ADAMTS12: variants seen among roughly 807,000 people sequenced by gnomAD.
ADAMTS12 encodes A disintegrin and metalloproteinase with thrombospondin motifs 12.
Under a neutral mutation model 167.8 loss-of-function variants are expected in ADAMTS12, and 118 were observed. The observed-to-expected ratio is 0.70, with a 90% CI of 0.61 to 0.82. The LOEUF is 0.82. Among genes scored for constraint, ADAMTS12 ranks in the 40% least tolerant of loss-of-function variants. ADAMTS12 has a pLI of 0.00. For missense variants in ADAMTS12, 1,916 were observed against 1,998.8 expected, an observed-to-expected ratio of 0.96 and a Z score of 0.79; for synonymous variants, 704 against 716.9, an observed-to-expected ratio of 0.98 and a Z score of 0.29.
rs79897814 is a variant in ADAMTS12, at chr5:33,769,611, C to T, written c.490-18063G>A. Among the ~76,000 whole-genome samples, 25 of 152,306 alleles carry T rather than the reference C, an allele frequency of 1.6e-4. No individual in the cohort carries two copies. In the East Asian group the frequency reaches 4.6e-3, roughly 28 times the overall value. On this transcript the variant is annotated intron_variant, in intron 2 of 23. Coordinates refer to ENST00000504830, the MANE Select transcript of ADAMTS12 (RefSeq NM_030955.4). ...GTTGCCAAAATCAGCCCAAGAACTA[C>T]TTGGAAGAAAATGCCAAGTTTGGCA... is the stretch of plus-strand genomic sequence containing the variant.
intron 2 of ADAMTS12, among the ~76,000 whole-genome samples, chr5:33,800,632 AT>A (rs11325243): frequency 0.61 from 92,317 of 151,320 alleles, 28,665 homozygotes; most frequent in African/African-American, 0.65. Flanking sequence ...ATTCAAAAGT[AT>A]TTTTTTTTTG....
intron 16 of ADAMTS12, among the ~76,000 whole-genome samples, chr5:33,603,032 A>G (rs1223431579): frequency 6.6e-6 from 1 of 152,216 alleles, no homozygotes; most frequent in East Asian, 1.9e-4. Context: ...AGGGTAGGGC[A>G]GAAGTGTTCT....
chr5:33,658,303 G>C lies in ADAMTS12; in HGVS notation c.1071C>G (p.Pro357=), dbSNP rs1380040568. The stretch of plus-strand genomic sequence containing the variant: ...GGTGAGACAGGCCCAGGGTCTCGCA[G>C]GGGCGATTGAAACCAGCACAGATGT... ...RKDICAGFNR[P]CETLGLSHLS... is the part of the protein sequence containing the mutation. Residue 357 remains proline (P), a synonymous_variant, in exon 7 of 24, where the codon CCC becomes CCG. Transcript: ENST00000504830. The C allele has an allele frequency of 6.2e-7, 1 of 1,613,544 alleles. No individual in the cohort carries two copies. The highest frequency in any genetic ancestry group is 1.3e-5 in the African/African-American group (1 of 74,892).
At chr5:33,780,273 A>G (rs1218177161) in intron 2 of ADAMTS12, among the ~76,000 whole-genome samples, 1 of 152,194 alleles carries the variant, frequency 6.6e-6, no homozygotes, top group East Asian at 1.9e-4. Flanking sequence ...AGTCAAGGTT[A>G]AAAAGGAGAT....
intron 3 of ADAMTS12, among the ~76,000 whole-genome samples, chr5:33,695,200 T>C: frequency 6.6e-6 from 1 of 152,214 alleles, no homozygotes. Flanking sequence ...TCAGTTAAGG[T>C]TTATTTAATT....
chr5:33,654,272 T>C (rs1471579952), intron 7 of ADAMTS12, among the ~76,000 whole-genome samples: 1 of 152,244 alleles, frequency 6.6e-6, no homozygotes, highest in African/African-American at 2.4e-5. Context: ...ATTTGTCAGC[T>C]AATTCTAAAA....
Position 33,715,637 on chromosome 5 carries a change from A to T in ADAMTS12, c.635-31582T>A, listed in dbSNP as rs555645220. ...GTTGCTCAGCTTCTCGTGGCTGTAG[A>T]TTTACTGCACTCTACAACAGGAGGG... On this transcript the variant is annotated intron_variant, in intron 3 of 23. Transcript: ENST00000504830. Among the ~76,000 whole-genome samples the T allele has an allele frequency of 2.7e-4, 41 of 152,200 alleles. No homozygotes were observed. In the South Asian group the frequency reaches 8.5e-3, roughly 32 times the overall value.
intron 23 of ADAMTS12, among the ~76,000 whole-genome samples, chr5:33,533,012 T>C (rs1265862569): frequency 6.6e-6 from 1 of 152,260 alleles, no homozygotes; most frequent in African/African-American, 2.4e-5. Flanking sequence ...AAGAAGCTAG[T>C]AATTAACTTT....
chr5:33,647,605 C>A (rs1305300767), intron 9 of ADAMTS12, among the ~76,000 whole-genome samples: 2 of 152,136 alleles, frequency 1.3e-5, no homozygotes, highest in African/African-American at 4.8e-5. Flanking sequence ...TTGGCGCATA[C>A]CCGTAATCCC....
intron 2 of ADAMTS12, among the ~76,000 whole-genome samples, chr5:33,865,340 C>T (rs1434267941): frequency 1.3e-5 from 2 of 151,964 alleles, no homozygotes; most frequent in African/African-American, 4.8e-5. Context: ...TGTGATATAT[C>T]ACATAAACAG....
intron 2 of ADAMTS12, among the ~76,000 whole-genome samples, chr5:33,846,488 C>G (rs1386889362): frequency 2.0e-5 from 3 of 152,170 alleles, no homozygotes; most frequent in Non-Finnish European, 2.9e-5. Context: ...TTTTCTAGGT[C>G]AAGCTCAAAT....
chr5:33,533,379 G>T (rs938117856), intron 23 of ADAMTS12, among the ~76,000 whole-genome samples: 4 of 152,124 alleles, frequency 2.6e-5, no homozygotes, highest in Admixed American at 6.6e-5. Context: ...GTCTCAAATT[G>T]GTCCCTTGGT....
At chr5:33,740,068 T>C (rs1283463359) in intron 3 of ADAMTS12, among the ~76,000 whole-genome samples, 1 of 152,208 alleles carries the variant, frequency 6.6e-6, no homozygotes, top group Non-Finnish European at 1.5e-5. Flanking sequence ...ATGTAACTGA[T>C]GAGGAAAAGT....
At chr5:33,791,964 T>C (rs1746588052) in intron 2 of ADAMTS12, among the ~76,000 whole-genome samples, 1 of 151,596 alleles carries the variant, frequency 6.6e-6, no homozygotes, top group Non-Finnish European at 1.5e-5. Context: ...TTTACATTTA[T>C]ACCTAGTCTT....
rs187898429 is a variant in ADAMTS12, at chr5:33,707,406, G to T, written c.635-23351C>A. On this transcript the variant is annotated intron_variant, in intron 3 of 23. Coordinates refer to ENST00000504830, the MANE Select transcript of ADAMTS12 (RefSeq NM_030955.4). The stretch of plus-strand genomic sequence containing the variant: ...AGTAATTTATAGATTTAATGTTATT[G>T]CCATCAAGCTACCACTGACTTTCTT... 3.3e-5 allele frequency among the ~76,000 whole-genome samples: 5 copies of T among 152,080 alleles called. No homozygotes were observed. The East Asian group carries it at 9.7e-4, about 29-fold the overall frequency.
chr5:33,808,022 C>T (rs182254669), intron 2 of ADAMTS12, among the ~76,000 whole-genome samples: 77 of 152,028 alleles, frequency 5.1e-4, no homozygotes, highest in African/African-American at 1.5e-3. Context: ...GTAGAGGACA[C>T]GGTGAAAATG....
At chr5:33,823,522 T>C (rs1747940987) in intron 2 of ADAMTS12, among the ~76,000 whole-genome samples, 1 of 151,842 alleles carries the variant, frequency 6.6e-6, no homozygotes, top group Non-Finnish European at 1.5e-5. Context: ...GGTCTTAGTG[T>C]CAGAAAAAAA....
At chr5:33,809,272 G>A (rs934126821) in intron 2 of ADAMTS12, among the ~76,000 whole-genome samples, 4 of 152,092 alleles carry the variant, frequency 2.6e-5, no homozygotes, top group South Asian at 2.1e-4. Context: ...TGGTGCTGCC[G>A]GTCCTTGGAC....
At chr5:33,760,043 C>T (rs1391968024) in intron 2 of ADAMTS12, among the ~76,000 whole-genome samples, 4 of 152,198 alleles carry the variant, frequency 2.6e-5, no homozygotes, top group Non-Finnish European at 5.9e-5. Flanking sequence ...TTCAGCAAAT[C>T]TAGCGTGAGA....
Sources: gnomAD v4.1 joint callset for allele counts (sites outside exome capture counted in the v4.1 genomes callset) on GRCh38, gnomAD v4.1.1 for gene constraint, MANE v1.5 for transcripts, NCBI Gene and HGNC (gene_info 2026-07-23, HGNC 2026-07-21) for gene names.